Variants in ACSM2A observed in about 807,000 individuals in gnomAD.
The protein encoded by ACSM2A is acyl-coenzyme A synthetase ACSM2A, mitochondrial.
In ACSM2A, 72 loss-of-function variants were observed where a neutral mutation model predicts 76.6. That is an observed-to-expected ratio of 0.94 (90% CI 0.78 to 1.14). The LOEUF (loss-of-function observed/expected upper bound fraction) is 1.14, where lower values mean the gene tolerates loss of function less well. Among genes scored for constraint, ACSM2A ranks in the 50% most tolerant of loss-of-function variants. ACSM2A has a pLI of 0.00. For synonymous variants in ACSM2A, 249 were observed against 255.9 expected, an observed-to-expected ratio of 0.97 and a Z score of 0.26; for missense variants, 684 against 708.5, an observed-to-expected ratio of 0.97 and a Z score of 0.39.
intron 2 of ACSM2A, among the ~76,000 whole-genome samples, chr16:20,461,511 A>C (rs573557898): frequency 6.6e-6 from 1 of 152,308 alleles, no homozygotes; most frequent in East Asian, 1.9e-4. Flanking sequence ...TAACACCATT[A>C]GCAAAATAAA....
At chr16:20,459,081 T>G (rs2012441855) in intron 1 of ACSM2A, among the ~76,000 whole-genome samples, 1 of 151,300 alleles carries the variant, frequency 6.6e-6, no homozygotes, top group Non-Finnish European at 1.5e-5. Context: ...CAGCCATAAG[T>G]GGGAGCTAGG....
intron 6 of ACSM2A, among the ~76,000 whole-genome samples, chr16:20,473,325 A>G (rs2141732600): frequency 6.6e-6 from 1 of 152,182 alleles, no homozygotes; most frequent in East Asian, 1.9e-4. Context: ...GTTTTTATTA[A>G]GTTCCACCAT....
chr16:20,454,305 T>C (rs1446903952), intron 1 of ACSM2A, among the ~76,000 whole-genome samples: 2 of 151,582 alleles, frequency 1.3e-5, no homozygotes, highest in Non-Finnish European at 2.9e-5. Context: ...TGGAAAAGAA[T>C]GAGACCCTGC....
At chr16:20,471,825 A>C in intron 6 of ACSM2A, 136 bp downstream of exon 6, 1 of 1,454,046 alleles carries the variant, frequency 6.9e-7, no homozygotes, top group East Asian at 2.3e-5. Context: ...TCAGTAAACG[A>C]GATGGAAATG....
chr16:20,477,943 C>T lies in ACSM2A; in HGVS notation c.1179+494C>T, dbSNP rs563984932. Reference sequence around the variant, plus strand: ...ATACACTATAATGAATGTGTAGTAGCTAAAGTTTTATTGCTTTCTCTTGTT... The same window carrying T: ...ATACACTATAATGAATGTGTAGTAGTTAAAGTTTTATTGCTTTCTCTTGTT... On this transcript the variant is annotated intron_variant, in intron 9 of 13. Transcript: ENST00000573854. Among the ~76,000 whole-genome samples the T allele has an allele frequency of 3.3e-5, 5 of 152,216 alleles. No homozygotes were observed. The East Asian group carries it at 9.6e-4, about 29-fold the overall frequency.
chr16:20,476,142 G>C, intron 8 of ACSM2A: 2 of 1,076,052 alleles, frequency 1.9e-6, no homozygotes, highest in Non-Finnish European at 2.3e-6. Flanking sequence ...TTTTAGCAGA[G>C]ACCAAAGTTT....
chr16:20,475,481 A>C (rs1596667380), intron 7 of ACSM2A, 40 bp downstream of exon 7: 1 of 1,611,334 alleles, frequency 6.2e-7, no homozygotes, highest in Non-Finnish European at 8.5e-7. Flanking sequence ...GTCTGGCCCC[A>C]TCCCCCTGAC....
At chr16:20,457,308 A>G (rs1374462340) in intron 1 of ACSM2A, among the ~76,000 whole-genome samples, 1 of 152,128 alleles carries the variant, frequency 6.6e-6, no homozygotes, top group African/African-American at 2.4e-5. Flanking sequence ...TCCCTAAATC[A>G]TTCTATGAAG....
intron 13 of ACSM2A, among the ~76,000 whole-genome samples, chr16:20,484,917 C>T (rs1269494711): frequency 1.3e-5 from 2 of 152,110 alleles, no homozygotes; most frequent in African/African-American, 4.8e-5. Context: ...AGCTGCATAT[C>T]AGAGTCCACC....
At chr16:20,478,509 T>C in intron 9 of ACSM2A, 67 bp from the exon 10 acceptor site, 1 of 1,558,938 alleles carries the variant, frequency 6.4e-7, no homozygotes, top group South Asian at 1.2e-5. Flanking sequence ...AATTCAGCAA[T>C]CTCATGATGC....
At chr16:20,464,804 G>A (rs763042031) in intron 2 of ACSM2A, among the ~76,000 whole-genome samples, 4 of 152,284 alleles carry the variant, frequency 2.6e-5, no homozygotes, top group African/African-American at 7.2e-5. Context: ...ACGGGTGATT[G>A]TGTAACGGGG....
chr16:20,453,039 C>G (rs949517191), intron 1 of ACSM2A, among the ~76,000 whole-genome samples: 2 of 151,972 alleles, frequency 1.3e-5, no homozygotes, highest in African/African-American at 4.8e-5. Flanking sequence ...GCTTCAGAAG[C>G]AGATACTGAG....
At chr16:20,471,998 C>T (rs893283280) in intron 6 of ACSM2A, among the ~76,000 whole-genome samples, 2 of 152,120 alleles carry the variant, frequency 1.3e-5, no homozygotes, top group African/African-American at 2.4e-5. Flanking sequence ...TGGTGAACCA[C>T]GTGTAAAAGG....
In ACSM2A at chr16:20,483,103, G is replaced by A; in HGVS notation, c.1555G>A (p.Asp519Asn). The change falls in exon 13 of 14, where the codon GAC becomes AAC. Residue 519 changes from aspartate (D) to asparagine (N), a missense_variant. Coordinates refer to ENST00000573854, the MANE Select transcript of ACSM2A (RefSeq NM_001308172.2). ...VVLASQFLSH[D>N]PEQLTKELQQ... is the part of the protein sequence containing the mutation. ...CCTGGCCTCGCAGTTCCTGTCCCAT[G>A]ACCCAGAACAGCTCACCAAGGAGCT... The A allele has an allele frequency of 6.2e-7, 1 of 1,614,062 alleles. No individual in the cohort carries two copies. Among genetic ancestry groups the A allele is most frequent in the Non-Finnish European group, 8.5e-7 (1 of 1,179,984 alleles).
At chr16:20,458,313 T>G (rs1289618354) in intron 1 of ACSM2A, among the ~76,000 whole-genome samples, 1 of 147,816 alleles carries the variant, frequency 6.8e-6, no homozygotes, top group Non-Finnish European at 1.5e-5. Context: ...TCCAAAAATA[T>G]TGTATCTATA....
At chr16:20,483,279 A>C in intron 13 of ACSM2A, 102 bp downstream of exon 13, 1 of 1,532,308 alleles carries the variant, frequency 6.5e-7, no homozygotes, top group South Asian at 1.2e-5. Flanking sequence ...AATTTTAAAA[A>C]GTCTTCCTGG....
chr16:20,480,526 A>G, intron 10 of ACSM2A, 47 bp from the exon 11 acceptor site: 1 of 1,592,220 alleles, frequency 6.3e-7, no homozygotes, highest in Non-Finnish European at 8.5e-7. Context: ...AGGGCAGGGG[A>G]TTTAGGCTTT....
rs2014434967 is a variant in ACSM2A at position 20,487,430 on chromosome 16, C to G, written c.*752C>G. On this transcript the variant is annotated 3_prime_UTR_variant, in exon 14 of 14. Coordinates refer to ENST00000573854, the MANE Select transcript of ACSM2A (RefSeq NM_001308172.2). ...GAATCATCCACAAGTCACCCCAAAC[C>G]TTGGAACTGTCAGGGTCAGAGGGGA... 6.6e-6 allele frequency: 1 copy of G among 152,224 alleles called. No homozygotes were observed. The highest frequency in any genetic ancestry group is 1.5e-5 in the Non-Finnish European group (1 of 68,076). 9.4% of individuals were successfully genotyped at this position (152,224 alleles called of 1,614,324 possible).
intron 8 of ACSM2A, chr16:20,476,731 T>G: frequency 9.8e-7 from 1 of 1,017,892 alleles, no homozygotes; most frequent in Non-Finnish European, 1.2e-6. Flanking sequence ...ATATCTTTTG[T>G]CCAGGCTAGA....
Sources: gnomAD v4.1 joint callset for allele counts (sites outside exome capture counted in the v4.1 genomes callset) on GRCh38, gnomAD v4.1.1 for gene constraint, MANE v1.5 for transcripts, NCBI Gene and HGNC (gene_info 2026-07-23, HGNC 2026-07-21) for gene names.